TAFA1: variants seen among roughly 807,000 people sequenced by gnomAD.
TAFA1 encodes chemokine-like protein TAFA-1.
In TAFA1, 4 loss-of-function variants were observed where a neutral mutation model predicts 18.5. That is an observed-to-expected ratio of 0.22 (90% CI 0.11 to 0.49). TAFA1 has a LOEUF of 0.49. TAFA1 is among the 20% of genes least tolerant of loss of function. The probability of loss-of-function intolerance (pLI) is 0.98; values close to 1 mark genes in which losing one functional copy is unlikely to be tolerated. For missense variants in TAFA1, 147 were observed against 169.0 expected (o/e 0.87, Z 0.72); for synonymous variants, 56 against 55.2 (o/e 1.01, Z -0.06).
chr3:68,452,535 A>AC (rs1559675831), intron 3 of TAFA1, among the ~76,000 whole-genome samples: 1 of 151,366 alleles, frequency 6.6e-6, no homozygotes, highest in Non-Finnish European at 1.5e-5. Flanking sequence ...AAAAAAAAAA[A>AC]AAAAAACTAG....
intron 2 of TAFA1, among the ~76,000 whole-genome samples, chr3:68,293,081 A>G (rs1240432997): frequency 6.6e-6 from 1 of 152,114 alleles, no homozygotes; most frequent in Non-Finnish European, 1.5e-5. Flanking sequence ...AACAGCTACA[A>G]CCTTCTAGCT....
chr3:68,231,644 G>A (rs13081944), intron 2 of TAFA1, among the ~76,000 whole-genome samples: 42,792 of 151,868 alleles, frequency 0.28, 6,903 homozygotes, highest in Non-Finnish European at 0.36. Context: ...ACAGGCGTGA[G>A]CCACCGCGCC....
chr3:68,425,071 C>T (rs1357469795), intron 3 of TAFA1, among the ~76,000 whole-genome samples: 5 of 151,974 alleles, frequency 3.3e-5, no homozygotes, highest in Admixed American at 2.6e-4. Context: ...TTTATAGTAT[C>T]TCAGTGACAT....
At chr3:68,179,141 C>A (rs1224329168) in intron 2 of TAFA1, among the ~76,000 whole-genome samples, 1 of 152,176 alleles carries the variant, frequency 6.6e-6, no homozygotes, top group Non-Finnish European at 1.5e-5. Context: ...CATCATCATT[C>A]ATAATTTCAT....
At chr3:68,270,799 A>T (rs10865617) in intron 2 of TAFA1, among the ~76,000 whole-genome samples, 63,580 of 152,008 alleles carry the variant, frequency 0.42, 14,727 homozygotes, top group African/African-American at 0.58. Flanking sequence ...GATTAAACAG[A>T]AGACAAAAAT....
chr3:68,300,842 C>T (rs1384043789), intron 2 of TAFA1, among the ~76,000 whole-genome samples: 1 of 152,168 alleles, frequency 6.6e-6, no homozygotes, highest in Non-Finnish European at 1.5e-5. Flanking sequence ...CTTCCTGCCA[C>T]CTTGTGAAAA....
intron 2 of TAFA1, among the ~76,000 whole-genome samples, chr3:68,301,035 C>A (rs1468269617): frequency 6.6e-6 from 1 of 152,100 alleles, no homozygotes; most frequent in South Asian, 2.1e-4. Flanking sequence ...TACACAGAAT[C>A]GTGTAACCAC....
In TAFA1 at chr3:68,081,385, C is replaced by T. The variant is rs201200106; in HGVS notation, c.118+74641C>T. Reference sequence around the variant, plus strand: ...CTGCGTTCCTTTGGAGGAGGAGAGGCGCTCTGCTTTTTAGAGTTTCCAGTT... The same window carrying T: ...CTGCGTTCCTTTGGAGGAGGAGAGGTGCTCTGCTTTTTAGAGTTTCCAGTT... On this transcript the variant is annotated intron_variant, in intron 2 of 4. Transcript: ENST00000478136. Among the ~76,000 whole-genome samples the T allele has an allele frequency of 2.0e-4, 30 of 152,128 alleles. No homozygotes were observed. The East Asian group carries it at 3.3e-3, about 17-fold the overall frequency.
At chr3:68,099,186 C>G (rs1209941752) in intron 2 of TAFA1, among the ~76,000 whole-genome samples, 1 of 152,008 alleles carries the variant, frequency 6.6e-6, no homozygotes, top group Non-Finnish European at 1.5e-5. Context: ...AGCTTCTGCA[C>G]AGCAAAAGAA....
In TAFA1 at chr3:68,281,747, C is replaced by T. The variant is rs6777258; in HGVS notation, c.119-135533C>T. Among the ~76,000 whole-genome samples the T allele has an allele frequency of 9.3e-3, 1,420 of 152,168 alleles. 19 individuals carry two copies. The highest frequency in any genetic ancestry group is 0.033 in the African/African-American group (1,361 of 41,530). Reference sequence around the variant, plus strand: ...TGCTGGGATTCCAGGTATGAGCCACCGCGCCTGGTCCCATGGGAAGTTTTT... The same window carrying T: ...TGCTGGGATTCCAGGTATGAGCCACTGCGCCTGGTCCCATGGGAAGTTTTT... On this transcript the variant is annotated intron_variant, in intron 2 of 4. Transcript: ENST00000478136.
intron 2 of TAFA1, among the ~76,000 whole-genome samples, chr3:68,193,100 T>C (rs1575671590): frequency 6.6e-6 from 1 of 151,724 alleles, no homozygotes; most frequent in East Asian, 2.0e-4. Context: ...GTTTTAAGTA[T>C]GAGGAATTAG....
intron 3 of TAFA1, among the ~76,000 whole-genome samples, chr3:68,529,160 G>C (rs1575954206): frequency 1.3e-5 from 2 of 151,896 alleles, no homozygotes; most frequent in South Asian, 4.2e-4. Flanking sequence ...AAGCAGATGA[G>C]TCCAGTGTGA....
At chr3:68,001,920 A>C (rs1231045985), upstream of TAFA1, among the ~76,000 whole-genome samples, 2 of 152,214 alleles carry the variant, frequency 1.3e-5, no homozygotes, top group Non-Finnish European at 2.9e-5. Flanking sequence ...TCCCTGCTTC[A>C]AAGGCAAGAA....
At chr3:68,069,021 T>A (rs752162060) in intron 2 of TAFA1, among the ~76,000 whole-genome samples, 37 of 152,150 alleles carry the variant, frequency 2.4e-4, no homozygotes, top group Non-Finnish European at 4.7e-4. Flanking sequence ...GAGCTATGCA[T>A]TTTTGGATGG....
chr3:68,305,653 G>A (rs527592141), intron 2 of TAFA1, among the ~76,000 whole-genome samples: 15 of 151,794 alleles, frequency 9.9e-5, no homozygotes, highest in South Asian at 2.1e-4. Flanking sequence ...AGATTCTCCA[G>A]TGGGGTGGGG....
intron 2 of TAFA1, among the ~76,000 whole-genome samples, chr3:68,142,471 G>A (rs1380036666): frequency 6.6e-6 from 1 of 152,192 alleles, no homozygotes; most frequent in Non-Finnish European, 1.5e-5. Flanking sequence ...CTGTTTCCAT[G>A]GTGCACTGTG....
chr3:68,105,594 T>G (rs1480645994), intron 2 of TAFA1, among the ~76,000 whole-genome samples: 1 of 152,166 alleles, frequency 6.6e-6, no homozygotes, highest in Non-Finnish European at 1.5e-5. Flanking sequence ...CAGAATCAAG[T>G]ATTTACTTTG....
chr3:68,157,818 C>A (rs1454309404), intron 2 of TAFA1, among the ~76,000 whole-genome samples: 1 of 152,172 alleles, frequency 6.6e-6, no homozygotes, highest in Non-Finnish European at 1.5e-5. Flanking sequence ...AGACAGATAT[C>A]ACCTTTGGCT....
chr3:68,406,368 C>A (rs1460552216), intron 2 of TAFA1, among the ~76,000 whole-genome samples: 2 of 152,082 alleles, frequency 1.3e-5, no homozygotes, highest in African/African-American at 4.8e-5. Flanking sequence ...CAAGGGAGAT[C>A]CAAAGGGGAT....
Sources: gnomAD v4.1 joint callset for allele counts (sites outside exome capture counted in the v4.1 genomes callset) on GRCh38, gnomAD v4.1.1 for gene constraint, MANE v1.5 for transcripts, NCBI Gene and HGNC (gene_info 2026-07-23, HGNC 2026-07-21) for gene names.